The following FBXO16 variants were observed in gnomAD, a reference collection of about 807,000 sequenced individuals.
FBXO16 encodes F-box protein 16, also known as F-box only protein 16.
FBXO16 carries 31 observed loss-of-function variants against 41.0 expected under a neutral mutation model. The observed-to-expected ratio is 0.76, with a 90% CI of 0.57 to 1.02. The LOEUF is 1.02. Ranked by LOEUF, FBXO16 falls within the 50% of genes least tolerant of loss-of-function variation. FBXO16 has a pLI of 0.00. For missense variants in FBXO16, 361 were observed against 346.2 expected (o/e 1.04, Z -0.34); for synonymous variants, 133 against 117.8 (o/e 1.13, Z -0.84).
intron 4 of FBXO16, 36 bp downstream of exon 4, chr8:28,463,576 C>T: frequency 1.2e-6 from 2 of 1,607,270 alleles, no homozygotes; most frequent in Non-Finnish European, 1.7e-6. Flanking sequence ...TAAGGCTGTC[C>T]TCACAAAACA....
chr8:28,456,506 A>G (rs1803040823), intron 5 of FBXO16, among the ~76,000 whole-genome samples: 1 of 152,202 alleles, frequency 6.6e-6, no homozygotes, highest in Non-Finnish European at 1.5e-5. Context: ...GAAACCAGGG[A>G]CCTAGACAGA....
intron 7 of FBXO16, among the ~76,000 whole-genome samples, chr8:28,432,006 A>AG (rs145268030): frequency 0.18 from 27,636 of 151,844 alleles, 7,191 homozygotes; most frequent in African/African-American, 0.57. Flanking sequence ...CTGCATATGT[A>AG]GTGAGCAAAC....
chr8:28,461,560 T>C (rs1382282161), intron 4 of FBXO16, among the ~76,000 whole-genome samples: 2 of 151,874 alleles, frequency 1.3e-5, no homozygotes, highest in Non-Finnish European at 2.9e-5. Flanking sequence ...GTTGGTCTTT[T>C]TTTTTTCTTA....
At chr8:28,458,742 G>C (rs1484898192) in intron 4 of FBXO16, among the ~76,000 whole-genome samples, 1 of 151,864 alleles carries the variant, frequency 6.6e-6, no homozygotes, top group Non-Finnish European at 1.5e-5. Context: ...AGTAGAGACA[G>C]GGTTTCTCCT....
intron 7 of FBXO16, among the ~76,000 whole-genome samples, chr8:28,429,726 T>C (rs1802579250): frequency 6.6e-6 from 1 of 152,202 alleles, no homozygotes; most frequent in South Asian, 2.1e-4. Context: ...AATCCTACTT[T>C]AGACTTTCTT....
chr8:28,434,931 G>A (rs935132933), intron 7 of FBXO16, among the ~76,000 whole-genome samples: 1 of 152,260 alleles, frequency 6.6e-6, no homozygotes, highest in African/African-American at 2.4e-5. Context: ...AAGCCCCAGA[G>A]GGGGTGTCAG....
At chr8:28,471,804 T>TCA (rs71549667) in intron 3 of FBXO16, among the ~76,000 whole-genome samples, 506 of 12,578 alleles carry the variant, frequency 0.04, 42 homozygotes, top group East Asian at 0.097. Flanking sequence ...ACAGAGAATC[T>TCA]CAAAAAAAAA....
intron 5 of FBXO16, among the ~76,000 whole-genome samples, chr8:28,456,449 A>G (rs1803040342): frequency 6.6e-6 from 1 of 152,226 alleles, no homozygotes; most frequent in Non-Finnish European, 1.5e-5. Context: ...CATGTTACCC[A>G]CAGAGTCCCC....
intron 4 of FBXO16, among the ~76,000 whole-genome samples, chr8:28,458,201 T>A (rs1803067473): frequency 6.6e-6 from 1 of 152,218 alleles, no homozygotes; most frequent in South Asian, 2.1e-4. Flanking sequence ...ATTTTTCTAT[T>A]ACTCTCTGCC....
intron 1 of FBXO16, among the ~76,000 whole-genome samples, chr8:28,486,494 G>C (rs1289372756): frequency 1.3e-5 from 2 of 151,974 alleles, no homozygotes; most frequent in African/African-American, 4.8e-5. Flanking sequence ...AAAGTGCTGG[G>C]ATTACAGGCG....
chr8:28,457,548 A>G (rs934857185), intron 4 of FBXO16, among the ~76,000 whole-genome samples: 3 of 152,168 alleles, frequency 2.0e-5, no homozygotes, highest in Non-Finnish European at 4.4e-5. Context: ...GAGAGAATGA[A>G]AGCCAAGCAA....
intron 4 of FBXO16, among the ~76,000 whole-genome samples, chr8:28,462,305 G>A (rs1803148271): frequency 1.4e-5 from 2 of 140,670 alleles, no homozygotes; most frequent in South Asian, 2.2e-4. Context: ...CTGAGACGGC[G>A]TCTCGCTCTG....
intron 4 of FBXO16, among the ~76,000 whole-genome samples, chr8:28,462,352 T>C (rs370701480): frequency 2.9e-4 from 44 of 150,918 alleles, no homozygotes; most frequent in African/African-American, 8.0e-4. Context: ...ATTCTCGGCT[T>C]ACTGCAAGCT....
rs200646251 is a variant in FBXO16, at chr8:28,473,812, A to G, written c.100-5T>C. 4.4e-6 allele frequency: 7 copies of G among 1,595,102 alleles called. No individual in the cohort carries two copies. The highest frequency in any genetic ancestry group is 1.7e-4 in the Middle Eastern group (1 of 6,022). On this transcript the variant is annotated splice_region_variant and splice_polypyrimidine_tract_variant and intron_variant, in intron 2 of 8. Transcript: ENST00000380254. ...GGCTCTTCTTTCTTCAAATACCTAC[A>G]GTAAGTAAAAAAGAATATGGTAATT... is the stretch of plus-strand genomic sequence containing the variant.
chr8:28,466,432 T>C (rs150152251), intron 3 of FBXO16, among the ~76,000 whole-genome samples: 130 of 152,110 alleles, frequency 8.5e-4, no homozygotes, highest in African/African-American at 2.8e-3. Context: ...AACTGATTCA[T>C]GTGTGAGTGT....
chr8:28,468,361 G>A (rs1336226298), intron 3 of FBXO16, among the ~76,000 whole-genome samples: 1 of 152,256 alleles, frequency 6.6e-6, no homozygotes, highest in South Asian at 2.1e-4. Context: ...AAGGTTGCTA[G>A]GGCGATCAGG....
intron 5 of FBXO16, among the ~76,000 whole-genome samples, chr8:28,455,291 G>A (rs1331377466): frequency 6.6e-6 from 1 of 151,476 alleles, no homozygotes; most frequent in Non-Finnish European, 1.5e-5. Flanking sequence ...CCAGGCTGGA[G>A]TGTGGCACAA....
At chr8:28,434,544 CA>C (rs1489399879) in intron 7 of FBXO16, among the ~76,000 whole-genome samples, 11 of 152,244 alleles carry the variant, frequency 7.2e-5, no homozygotes, top group Non-Finnish European at 1.3e-4. Context: ...TTCTTCTTCA[CA>C]ACATGCCTGT....
intron 6 of FBXO16, among the ~76,000 whole-genome samples, chr8:28,450,842 C>T (rs373491364): frequency 1.6e-4 from 24 of 151,880 alleles, no homozygotes; most frequent in Non-Finnish European, 2.4e-4. Flanking sequence ...TTTCGGAGGG[C>T]GAAGTGAGAG....
Sources: gnomAD v4.1 joint callset for allele counts (sites outside exome capture counted in the v4.1 genomes callset) on GRCh38, gnomAD v4.1.1 for gene constraint, MANE v1.5 for transcripts, NCBI Gene and HGNC (gene_info 2026-07-23, HGNC 2026-07-21) for gene names.